Variants in SLC7A14 observed in about 807,000 individuals in gnomAD.
SLC7A14 encodes the protein gamma-aminobutyric acid transporter SLC7A14.
SLC7A14 carries 37 observed loss-of-function variants against 60.2 expected under a neutral mutation model. The ratio of observed to expected loss-of-function variants is 0.61; its 90% CI spans 0.47 to 0.81. The LOEUF (loss-of-function observed/expected upper bound fraction) is 0.81. SLC7A14 is among the 30% of genes least tolerant of loss of function. The pLI, the probability that SLC7A14 is intolerant of heterozygous loss-of-function variation, is 0.00. For missense variants in SLC7A14, 886 were observed against 982.7 expected (o/e 0.90, Z 1.32); for synonymous variants, 399 against 395.8 (o/e 1.01, Z -0.10).
Position 170,501,009 on chromosome 3 carries a change from G to A in SLC7A14, c.541+100C>T. ...AAAGAAAAAGAGAGATATATTTAAG[G>A]CTTTTGATACATTTTGCCAAATTGC... is the stretch of plus-strand genomic sequence containing the variant. On this transcript the variant is annotated intron_variant, in intron 3 of 7. Coordinates refer to ENST00000231706, the MANE Select transcript of SLC7A14 (RefSeq NM_020949.3). 8 of 1,035,420 alleles carry A rather than the reference G, an allele frequency of 7.7e-6. No individual in the cohort carries two copies. The South Asian group carries it at 1.1e-4, about 14-fold the overall frequency. The allele number at this position is 1,035,420 out of a possible 1,614,324, so 64.1% of individuals were successfully genotyped here. A position where few individuals can be genotyped will look rare whatever the true frequency, so the allele number is the denominator to read the frequency against.
chr3:170,511,793 G>T (rs896751186), intron 2 of SLC7A14, among the ~76,000 whole-genome samples: 3 of 152,194 alleles, frequency 2.0e-5, no homozygotes, highest in Admixed American at 6.5e-5. Context: ...CCCTAGGTGT[G>T]CTCAATGCAC....
intron 2 of SLC7A14, among the ~76,000 whole-genome samples, chr3:170,513,887 G>A (rs977610448): frequency 6.6e-6 from 1 of 152,196 alleles, no homozygotes; most frequent in Non-Finnish European, 1.5e-5. Context: ...CCTGCAGCTT[G>A]TGATGCAAAC....
At chr3:170,525,139 T>C (rs1713452544) in intron 2 of SLC7A14, among the ~76,000 whole-genome samples, 1 of 152,216 alleles carries the variant, frequency 6.6e-6, no homozygotes, top group South Asian at 2.1e-4. Context: ...ACATTTGCTG[T>C]CAGTACATGG....
In SLC7A14 at chr3:170,466,267, TCACCAGG is replaced by T. The variant is rs796202094; in HGVS notation, c.*781_*787del. 4.6e-5 allele frequency: 7 copies of T among 152,342 alleles called. No homozygotes were observed. Among genetic ancestry groups the T allele is most frequent in the African/African-American group, 1.7e-4 (7 of 41,578 alleles). The allele number at this position is 152,342 out of a possible 1,614,324, so 9.4% of individuals were successfully genotyped here. On this transcript the variant is annotated 3_prime_UTR_variant, in exon 8 of 8. Coordinates refer to ENST00000231706, the MANE Select transcript of SLC7A14 (RefSeq NM_020949.3). ...TCCACCTTTGCCCGCTTTCATCATA[TCACCAGG>T]AGCTGCAGTCTGATATAAGAGAGGC...
At chr3:170,556,799 A>G (rs1207295033) in intron 1 of SLC7A14, among the ~76,000 whole-genome samples, 1 of 152,174 alleles carries the variant, frequency 6.6e-6, no homozygotes, top group Non-Finnish European at 1.5e-5. Flanking sequence ...ATTTTTGCCT[A>G]CCATAGACAG....
chr3:170,483,253 A>C, intron 6 of SLC7A14, 61 bp downstream of exon 6: 9 of 1,572,558 alleles, frequency 5.7e-6, no homozygotes, highest in South Asian at 1.1e-5. Context: ...GACAGTGGGT[A>C]GACATTCTCC....
chr3:170,571,499 T>C lies in SLC7A14; in HGVS notation c.-153+14412A>G, dbSNP rs547196993. On this transcript the variant is annotated intron_variant, in intron 1 of 7. Transcript: ENST00000231706. ...AGACTAATTCAAGTCACTTCACTGA[T>C]GAAGAAAACTAAAACCAAAACAATA... Among the ~76,000 whole-genome samples, 11 of 152,324 alleles carry C rather than the reference T, an allele frequency of 7.2e-5. No homozygotes were observed. In the South Asian group the frequency reaches 1.4e-3, roughly 20 times the overall value.
chr3:170,522,365 G>A (rs998251947), intron 2 of SLC7A14, among the ~76,000 whole-genome samples: 4 of 151,992 alleles, frequency 2.6e-5, no homozygotes, highest in African/African-American at 4.8e-5. Flanking sequence ...TATTTACATC[G>A]GCCAAAGACT....
chr3:170,463,841 A>T lies in SLC7A14; in HGVS notation c.*3214T>A, dbSNP rs924892277. On this transcript the variant is annotated 3_prime_UTR_variant, in exon 8 of 8. Transcript: ENST00000231706. Reference sequence around the variant, plus strand: ...CAATCATCAGGTATTTCTTGAATACACACTATATGCCAGGCACATGTAGCT... The same window carrying T: ...CAATCATCAGGTATTTCTTGAATACTCACTATATGCCAGGCACATGTAGCT... The T allele has an allele frequency of 6.6e-6, 1 of 152,252 alleles. No homozygotes were observed. Among genetic ancestry groups the T allele is most frequent in the African/African-American group, 2.4e-5 (1 of 41,472 alleles). The allele number at this position is 152,252 out of a possible 1,614,324, so 9.4% of individuals were successfully genotyped here. A position where few individuals can be genotyped will look rare whatever the true frequency, so the allele number is the denominator to read the frequency against.
At chr3:170,519,805 G>A (rs541268994) in intron 2 of SLC7A14, among the ~76,000 whole-genome samples, 4 of 152,096 alleles carry the variant, frequency 2.6e-5, no homozygotes, top group African/African-American at 7.2e-5. Context: ...AAAAAAAGAG[G>A]ACCGAAAGGT....
chr3:170,467,968 T>G (rs2108262204), intron 7 of SLC7A14, among the ~76,000 whole-genome samples: 1 of 152,364 alleles, frequency 6.6e-6, no homozygotes, highest in African/African-American at 2.4e-5. Flanking sequence ...TGATATATCA[T>G]GGCCACTCCA....
chr3:170,572,344 T>C (rs1341651921), intron 1 of SLC7A14, among the ~76,000 whole-genome samples: 3 of 152,206 alleles, frequency 2.0e-5, no homozygotes, highest in African/African-American at 4.8e-5. Context: ...CTGTGAGAAC[T>C]TGGGCCAGTC....
intron 1 of SLC7A14, among the ~76,000 whole-genome samples, chr3:170,539,042 G>A (rs1713934152): frequency 6.6e-6 from 1 of 152,190 alleles, no homozygotes; most frequent in African/African-American, 2.4e-5. Flanking sequence ...TGAGAGCTAG[G>A]ATCTCTTCTT....
chr3:170,556,767 A>G (rs1183494959), intron 1 of SLC7A14, among the ~76,000 whole-genome samples: 1 of 152,178 alleles, frequency 6.6e-6, no homozygotes, highest in Non-Finnish European at 1.5e-5. Flanking sequence ...TTCCTCAGAA[A>G]ATCTAGAGGA....
At chr3:170,584,488 G>A (rs1715321427) in intron 1 of SLC7A14, among the ~76,000 whole-genome samples, 1 of 152,150 alleles carries the variant, frequency 6.6e-6, no homozygotes. Context: ...AGCAAAACTG[G>A]ATCCTGAAGT....
chr3:170,518,361 T>C (rs1318115382), intron 2 of SLC7A14, among the ~76,000 whole-genome samples: 2 of 152,222 alleles, frequency 1.3e-5, no homozygotes, highest in Non-Finnish European at 2.9e-5. Flanking sequence ...ATAGTTTCTC[T>C]ATTATATGTC....
intron 1 of SLC7A14, among the ~76,000 whole-genome samples, chr3:170,549,959 C>CT (rs1218047717): frequency 3.3e-5 from 5 of 152,174 alleles, no homozygotes; most frequent in Admixed American, 3.3e-4. Context: ...AAAGCTGTGG[C>CT]TGCTGTGGTT....
intron 1 of SLC7A14, among the ~76,000 whole-genome samples, chr3:170,573,435 T>C (rs1272442114): frequency 6.6e-6 from 1 of 152,246 alleles, no homozygotes; most frequent in African/African-American, 2.4e-5. Flanking sequence ...ATGGATCTTA[T>C]ACAAGTACGT....
At chr3:170,512,412 G>A (rs1713007067) in intron 2 of SLC7A14, among the ~76,000 whole-genome samples, 1 of 152,148 alleles carries the variant, frequency 6.6e-6, no homozygotes, top group Non-Finnish European at 1.5e-5. Context: ...TCATGACAGG[G>A]ATGCCAACAC....
Sources: allele counts gnomAD v4.1 joint callset (sites outside exome capture counted in the v4.1 genomes callset), GRCh38; gene constraint gnomAD v4.1.1; transcripts MANE v1.5; gene names NCBI Gene and HGNC (gene_info 2026-07-23, HGNC 2026-07-21).